Variants in GPATCH2L observed in about 807,000 individuals in gnomAD.
The protein encoded by GPATCH2L is G patch domain-containing protein 2-like.
A neutral mutation model predicts 57.4 loss-of-function variants in GPATCH2L; 31 were observed. The observed-to-expected ratio is 0.54, with a 90% CI of 0.41 to 0.73. GPATCH2L has a LOEUF of 0.73. Ranked by LOEUF, GPATCH2L falls within the 30% of genes least tolerant of loss-of-function variation. The probability of loss-of-function intolerance (pLI) is 0.00; values close to 1 mark genes in which losing one functional copy is unlikely to be tolerated. For synonymous variants in GPATCH2L, 199 were observed against 210.7 expected, an observed-to-expected ratio of 0.94 and a Z score of 0.48; for missense variants, 481 against 599.9, an observed-to-expected ratio of 0.80 and a Z score of 2.07.
At chr14:76,164,315 T>C (rs1040474658) in intron 2 of GPATCH2L, among the ~76,000 whole-genome samples, 2 of 152,240 alleles carry the variant, frequency 1.3e-5, no homozygotes, top group African/African-American at 2.4e-5. Flanking sequence ...GTTGTGGGGC[T>C]GTGCTGTGCA....
At chr14:76,220,820 T>C (rs999800876) in intron 1 of GPATCH2L, among the ~76,000 whole-genome samples, 8 of 152,148 alleles carry the variant, frequency 5.3e-5, no homozygotes, top group African/African-American at 1.9e-4. Flanking sequence ...AAATTAAACA[T>C]TACAATTCTA....
chr14:76,233,569 G>A (rs1400659373), intron 2 of GPATCH2L, among the ~76,000 whole-genome samples: 4 of 152,200 alleles, frequency 2.6e-5, no homozygotes, highest in African/African-American at 4.8e-5. Flanking sequence ...TACCTCATCC[G>A]CAGCCCCACC....
At chr14:76,172,604 A>AGG (rs2039137041) in intron 4 of GPATCH2L, among the ~76,000 whole-genome samples, 1 of 152,206 alleles carries the variant, frequency 6.6e-6, no homozygotes, top group Admixed American at 6.5e-5. Context: ...CTGTCTACCA[A>AGG]GCTCTGTGAT....
chr14:76,167,555 T>G (rs2038901598), intron 3 of GPATCH2L, among the ~76,000 whole-genome samples: 1 of 152,226 alleles, frequency 6.6e-6, no homozygotes, highest in Non-Finnish European at 1.5e-5. Context: ...ATACTGGGGC[T>G]GTGAGACTTA....
At chr14:76,182,585 CAAAAAAAAAAA>C (rs66602777) in intron 8 of GPATCH2L, among the ~76,000 whole-genome samples, 2 of 84,820 alleles carry the variant, frequency 2.4e-5, no homozygotes, top group African/African-American at 4.6e-5. Flanking sequence ...GACCCTGTCT[CAAAAAAAAAAA>C]AAAAAAAAAA....
intron 1 of GPATCH2L, among the ~76,000 whole-genome samples, chr14:76,223,042 T>G (rs1350443698): frequency 6.6e-6 from 1 of 152,150 alleles, no homozygotes; most frequent in Non-Finnish European, 1.5e-5. Flanking sequence ...ATTTTTTTCT[T>G]CACCAGCAAA....
intron 2 of GPATCH2L, among the ~76,000 whole-genome samples, chr14:76,158,664 T>C (rs1270788911): frequency 6.6e-6 from 1 of 152,208 alleles, no homozygotes; most frequent in Non-Finnish European, 1.5e-5. Flanking sequence ...TAAAAGAATA[T>C]GTATGGTAGG....
At chr14:76,157,814 G>A (rs1359849991) in intron 2 of GPATCH2L, among the ~76,000 whole-genome samples, 1 of 152,004 alleles carries the variant, frequency 6.6e-6, no homozygotes, top group Non-Finnish European at 1.5e-5. Context: ...TTGCTTTTCT[G>A]TTTCTGGTCT....
Position 76,154,875 on chromosome 14 carries a change from G to A in GPATCH2L, c.512G>A (p.Trp171Ter). The A allele has an allele frequency of 6.2e-7, 1 of 1,614,214 alleles. No individual in the cohort carries two copies. The highest frequency in any genetic ancestry group is 2.2e-5 in the East Asian group (1 of 44,882). ...KSAKKQRLSR[W>*]KENTPWTSSG... ...GCTAAGAAGCAGCGTCTGTCCCGCTGGAAGGAGAATACTCCCTGGACCTCA... is the reference window on the plus strand; with the variant it reads ...GCTAAGAAGCAGCGTCTGTCCCGCTAGAAGGAGAATACTCCCTGGACCTCA... The change falls in exon 2 of 10, where the codon TGG (tryptophan) becomes TAG (stop). Residue 171 changes from tryptophan (W) to a stop codon, truncating the protein, a stop_gained. Coordinates refer to ENST00000261530, the MANE Select transcript of GPATCH2L (RefSeq NM_017926.4). LOFTEE classifies it high-confidence loss of function. This position sits in a 1 kb window ranked among gnomAD's most constrained non-coding sequence, Gnocchi z 4.4.
At chr14:76,225,378 A>G (rs79244775) in intron 1 of GPATCH2L, among the ~76,000 whole-genome samples, 3,948 of 152,254 alleles carry the variant, frequency 0.026, 83 homozygotes, top group South Asian at 0.078. Flanking sequence ...CCCGTTCAAT[A>G]TATGGTGCTG....
At chr14:76,218,547 C>T (rs138683117), downstream of GPATCH2L, among the ~76,000 whole-genome samples, 42 of 152,046 alleles carry the variant, frequency 2.8e-4, 1 homozygote, top group African/African-American at 8.4e-4. Context: ...AGATACACCA[C>T]GTTCTCTCAT....
chr14:76,200,786 A>C (rs1230379907), intron 9 of GPATCH2L, among the ~76,000 whole-genome samples: 1 of 152,134 alleles, frequency 6.6e-6, no homozygotes, highest in Non-Finnish European at 1.5e-5. Context: ...CAATTTGAAA[A>C]TTACTGTTTT....
At position 76,154,846 on chromosome 14, in the gene GPATCH2L, G is replaced by T. The variant is rs1187232542; in HGVS notation, c.483G>T (p.Lys161Asn). The change falls in exon 2 of 10, where the codon AAG (lysine) becomes AAT (asparagine). Residue 161 changes from lysine to asparagine, a missense_variant. Lys to Asn is a moderately conservative substitution (Grantham distance 94). Coordinates refer to ENST00000261530, the MANE Select transcript of GPATCH2L (RefSeq NM_017926.4). The surrounding 1 kb of genome is among the most constrained non-coding windows in gnomAD (Gnocchi z 4.4). ...DWSYERGCRF[K>N]SAKKQRLSRW... Reference sequence around the variant, plus strand: ...GCTATGAGAGAGGCTGCAGGTTCAAGTCTGCTAAGAAGCAGCGTCTGTCCC... The same window carrying T: ...GCTATGAGAGAGGCTGCAGGTTCAATTCTGCTAAGAAGCAGCGTCTGTCCC... The T allele has an allele frequency of 6.2e-7, 1 of 1,614,132 alleles. No homozygotes were observed. Among genetic ancestry groups the T allele is most frequent in the Non-Finnish European group, 8.5e-7 (1 of 1,180,050 alleles).
intron 8 of GPATCH2L, among the ~76,000 whole-genome samples, chr14:76,194,310 C>G (rs1022420617): frequency 2.0e-5 from 3 of 152,114 alleles, no homozygotes; most frequent in Non-Finnish European, 4.4e-5. Flanking sequence ...ACAGAGTGAT[C>G]AATAAAAGGT....
rs574264077 is a variant in GPATCH2L at position 76,203,680 on chromosome 14, G to A, written c.*1829G>A. 2 of 152,296 alleles carry A rather than the reference G, an allele frequency of 1.3e-5. No individual in the cohort carries two copies. The highest frequency in any genetic ancestry group is 6.5e-5 in the Admixed American group (1 of 15,280). The allele number at this position is 152,296 out of a possible 1,614,324, so 9.4% of individuals were successfully genotyped here. On this transcript the variant is annotated 3_prime_UTR_variant, in exon 10 of 10. Coordinates refer to ENST00000261530, the MANE Select transcript of GPATCH2L (RefSeq NM_017926.4). ...TTCCCAGGCTGCACTTCCCTTCCCT[G>A]TGGGCTGCACCCGTAGAAGTATAGA...
At chr14:76,161,647 A>G (rs2038589896) in intron 2 of GPATCH2L, among the ~76,000 whole-genome samples, 1 of 152,204 alleles carries the variant, frequency 6.6e-6, no homozygotes, top group African/African-American at 2.4e-5. Flanking sequence ...TGTTGAAACT[A>G]GAAGCTACTG....
chr14:76,176,753 G>T, intron 6 of GPATCH2L, 63 bp downstream of exon 6: 2 of 1,012,290 alleles, frequency 2.0e-6, no homozygotes, highest in Non-Finnish European at 3.2e-6. Context: ...GCAGAGGGGA[G>T]TTTTATGGAG....
downstream of GPATCH2L, chr14:76,214,386 C>A (rs1037014339): frequency 2.0e-5 from 3 of 152,096 alleles, no homozygotes; most frequent in African/African-American, 7.2e-5. Context: ...CTGGTTATTG[C>A]TCTCTATATA....
chr14:76,183,607 T>G (rs1398366455), intron 8 of GPATCH2L, among the ~76,000 whole-genome samples: 1 of 152,214 alleles, frequency 6.6e-6, no homozygotes, highest in East Asian at 1.9e-4. Flanking sequence ...TCAATAAAGC[T>G]TGGCAACCAC....
Sources: gnomAD v4.1 joint callset for allele counts (sites outside exome capture counted in the v4.1 genomes callset) on GRCh38, gnomAD v4.1.1 for gene constraint, Gnocchi (gnomAD v3.1) non-coding constraint, MANE v1.5 for transcripts, NCBI Gene and HGNC (gene_info 2026-07-23, HGNC 2026-07-21) for gene names.